PALS2: variants seen among roughly 807,000 people sequenced by gnomAD.
The protein encoded by PALS2 is protein PALS2.
PALS2 carries 27 observed loss-of-function variants against 61.6 expected under a neutral mutation model. The ratio of observed to expected loss-of-function variants is 0.44; its 90% CI spans 0.32 to 0.60. The LOEUF (loss-of-function observed/expected upper bound fraction) is 0.60. PALS2 is among the 20% of genes least tolerant of loss of function. The pLI is 0.05. For synonymous variants in PALS2, 236 were observed against 218.6 expected (o/e 1.08, Z -0.70); for missense variants, 554 against 639.4 (o/e 0.87, Z 1.44).
intron 2 of PALS2, among the ~76,000 whole-genome samples, chr7:24,626,522 C>T (rs1350466132): frequency 6.6e-6 from 1 of 152,084 alleles, no homozygotes; most frequent in Non-Finnish European, 1.5e-5. Flanking sequence ...ATCAGATTCA[C>T]ACATAATATT....
intron 1 of PALS2, among the ~76,000 whole-genome samples, chr7:24,584,738 A>G (rs1254925303): frequency 1.3e-5 from 2 of 152,002 alleles, no homozygotes; most frequent in Non-Finnish European, 1.5e-5. Flanking sequence ...GTGCTTGCCC[A>G]TGCCTATGTC....
At chr7:24,620,731 AT>A (rs1205467684) in intron 1 of PALS2, among the ~76,000 whole-genome samples, 2 of 152,132 alleles carry the variant, frequency 1.3e-5, no homozygotes, top group African/African-American at 4.8e-5. Context: ...ATTTGTTACT[AT>A]TGCTAACAGT....
At position 24,667,689 on chromosome 7, in the gene PALS2, G is replaced by A. The variant is rs1339443199; in HGVS notation, c.953-810G>A. 1.6e-5 allele frequency among the ~76,000 whole-genome samples: 2 copies of A among 126,318 alleles called. 1 individual carries two copies. Among genetic ancestry groups the A allele is most frequent in the South Asian group, 5.1e-4 (2 of 3,916 alleles). 82.9% of individuals were successfully genotyped at this position (126,318 alleles called of 152,430 possible). On this transcript the variant is annotated intron_variant, in intron 8 of 11. Coordinates refer to ENST00000222644, the MANE Select transcript of PALS2 (RefSeq NM_001303037.2). Reference sequence around the variant, plus strand: ...TTTTTTTTTTTTTTTTTTTTGAGACGGAGTCTTGCTCTGTCACCAGGCTGG... The same window carrying A: ...TTTTTTTTTTTTTTTTTTTTGAGACAGAGTCTTGCTCTGTCACCAGGCTGG...
chr7:24,607,973 T>C (rs1783981003), intron 1 of PALS2, among the ~76,000 whole-genome samples: 1 of 152,242 alleles, frequency 6.6e-6, no homozygotes, highest in South Asian at 2.1e-4. Flanking sequence ...GGGGAGAAGA[T>C]CAGTTTTTGT....
intron 2 of PALS2, among the ~76,000 whole-genome samples, chr7:24,632,879 C>G (rs925340183): frequency 6.6e-6 from 1 of 151,906 alleles, no homozygotes; most frequent in African/African-American, 2.4e-5. Flanking sequence ...TCAATTTTCT[C>G]TCTCTTAGCA....
Position 24,642,328 on chromosome 7 carries a change from C to G in PALS2, c.270+460C>G, listed in dbSNP as rs1785599264. 1.3e-5 allele frequency among the ~76,000 whole-genome samples: 2 copies of G among 152,040 alleles called. 1 individual carries two copies. Among genetic ancestry groups the G allele is most frequent in the Admixed American group, 1.3e-4 (2 of 15,266 alleles). ...TTGTATAACATAATCTCCACAGGTA[C>G]AGAAATAAGTATGATTTTAGCAATG... is the stretch of plus-strand genomic sequence containing the variant. On this transcript the variant is annotated intron_variant, in intron 3 of 11. Coordinates refer to ENST00000222644, the MANE Select transcript of PALS2 (RefSeq NM_001303037.2).
chr7:24,677,496 T>C (rs1328641590), intron 9 of PALS2, among the ~76,000 whole-genome samples: 2 of 151,796 alleles, frequency 1.3e-5, no homozygotes, highest in African/African-American at 4.8e-5. Context: ...CAGTATGATA[T>C]TGGCTGTGGG....
At position 24,690,621 on chromosome 7, in the gene PALS2, C is replaced by T. The variant is rs780848252; in HGVS notation, c.*3007C>T. On this transcript the variant is annotated 3_prime_UTR_variant, in exon 12 of 12. Coordinates refer to ENST00000222644, the MANE Select transcript of PALS2 (RefSeq NM_001303037.2). The stretch of plus-strand genomic sequence containing the variant: ...TGATGTGCCTGGATAAGTCATTTAA[C>T]CATAGCTTAGTGAAATAAATGTGAT... The T allele has an allele frequency of 1.4e-4, 21 of 152,128 alleles. No individual in the cohort carries two copies. Among genetic ancestry groups the T allele is most frequent in the Non-Finnish European group, 2.4e-4 (16 of 68,016 alleles). The allele number at this position is 152,128 out of a possible 1,614,324, so 9.4% of individuals were successfully genotyped here. A position where few individuals can be genotyped will look rare whatever the true frequency, so the allele number is the denominator to read the frequency against.
chr7:24,679,064 G>C, intron 9 of PALS2, 67 bp from the exon 10 acceptor site: 2 of 1,420,624 alleles, frequency 1.4e-6, no homozygotes, highest in South Asian at 1.2e-5. Flanking sequence ...GCCACCCTAT[G>C]TATTTTAGTC....
chr7:24,656,866 C>T (rs1033967640), intron 5 of PALS2, among the ~76,000 whole-genome samples: 5 of 152,136 alleles, frequency 3.3e-5, no homozygotes, highest in South Asian at 2.1e-4. Context: ...TCATTCTTCC[C>T]TCCTACTCCC....
At chr7:24,656,579 T>G (rs1319860608) in intron 5 of PALS2, among the ~76,000 whole-genome samples, 2 of 152,048 alleles carry the variant, frequency 1.3e-5, no homozygotes, top group Non-Finnish European at 2.9e-5. Context: ...TGGAGTGCAG[T>G]GACATGATCA....
At chr7:24,639,295 A>G (rs74567165) in intron 2 of PALS2, among the ~76,000 whole-genome samples, 2,458 of 152,324 alleles carry the variant, frequency 0.016, 78 homozygotes, top group African/African-American at 0.057. Flanking sequence ...GTGTTAGACT[A>G]CTTGACTCTG....
At position 24,663,683 on chromosome 7, in the gene PALS2, C is replaced by G; in HGVS notation, c.745C>G (p.Leu249Val). Residue 249 changes from leucine (L) to valine (V), a missense_variant, in exon 6 of 12, where the codon CTT becomes GTT. Leu to Val is a conservative substitution (Grantham distance 32). Transcript: ENST00000222644. Reference protein sequence around the residue: ...AGLKFSKGEILQIVNREDPNW... With the variant: ...AGLKFSKGEIVQIVNREDPNW... ...ATTGAAGTTTTCCAAAGGAGAGATT[C>G]TTCAGATTGTAAATAGAGAAGATCC... 1 of 1,609,530 alleles carries G rather than the reference C, an allele frequency of 6.2e-7. No individual in the cohort carries two copies.
At chr7:24,633,526 T>C (rs1367354898) in intron 2 of PALS2, among the ~76,000 whole-genome samples, 1 of 145,732 alleles carries the variant, frequency 6.9e-6, no homozygotes, top group Non-Finnish European at 1.5e-5. Flanking sequence ...TTGAATATAA[T>C]ATACCTAGAC....
At chr7:24,617,435 A>G (rs1784332393) in intron 1 of PALS2, among the ~76,000 whole-genome samples, 2 of 152,062 alleles carry the variant, frequency 1.3e-5, no homozygotes, top group African/African-American at 4.8e-5. Flanking sequence ...TGGAAGTGTC[A>G]CGTTTCTTTG....
At chr7:24,646,179 C>T (rs907321721) in intron 3 of PALS2, among the ~76,000 whole-genome samples, 1 of 152,030 alleles carries the variant, frequency 6.6e-6, no homozygotes, top group Non-Finnish European at 1.5e-5. Context: ...GCTGGGACTT[C>T]TAATACTATG....
chr7:24,591,632 A>G (rs1445579207), intron 1 of PALS2, among the ~76,000 whole-genome samples: 1 of 152,164 alleles, frequency 6.6e-6, no homozygotes, highest in African/African-American at 2.4e-5. Context: ...GTTATGGTGT[A>G]TAAAGTCTCT....
intron 9 of PALS2, among the ~76,000 whole-genome samples, chr7:24,677,329 T>G (rs1377628954): frequency 6.6e-6 from 1 of 152,140 alleles, no homozygotes; most frequent in Non-Finnish European, 1.5e-5. Context: ...AGGGACAATT[T>G]GACTTCCTCT....
intron 2 of PALS2, among the ~76,000 whole-genome samples, chr7:24,631,611 A>C (rs1784998618): frequency 6.6e-6 from 1 of 152,190 alleles, no homozygotes; most frequent in South Asian, 2.1e-4. Flanking sequence ...AATGCTCTCA[A>C]ACAACATTGC....
Sources: gnomAD v4.1 joint callset for allele counts (sites outside exome capture counted in the v4.1 genomes callset) on GRCh38, gnomAD v4.1.1 for gene constraint, MANE v1.5 for transcripts, NCBI Gene and HGNC (gene_info 2026-07-23, HGNC 2026-07-21) for gene names.